The following NWD2 variants were observed in gnomAD, a reference collection of about 807,000 sequenced individuals.
NWD2 encodes NACHT and WD repeat domain-containing protein 2.
A neutral mutation model predicts 132.7 loss-of-function variants in NWD2; 37 were observed. The observed-to-expected ratio is 0.28, with a 90% CI of 0.21 to 0.37. The LOEUF (loss-of-function observed/expected upper bound fraction) is 0.37, where lower values mean the gene tolerates loss of function less well. Among genes scored for constraint, NWD2 ranks in the 10% least tolerant of loss-of-function variants. The probability of loss-of-function intolerance (pLI) is 1.00; values close to 1 mark genes in which losing one functional copy is unlikely to be tolerated. For missense variants in NWD2, 1,592 were observed against 2,122.4 expected (o/e 0.75, Z 4.91); for synonymous variants, 705 against 803.0 (o/e 0.88, Z 2.06).
At chr4:37,257,430 T>C (rs1460727726) in intron 1 of NWD2, among the ~76,000 whole-genome samples, 1 of 152,230 alleles carries the variant, frequency 6.6e-6, no homozygotes, top group African/African-American at 2.4e-5. Context: ...ATACTTAGTC[T>C]TCTTAGGCTC....
intron 1 of NWD2, among the ~76,000 whole-genome samples, chr4:37,256,224 G>A: frequency 6.6e-6 from 1 of 152,188 alleles, no homozygotes; most frequent in East Asian, 1.9e-4. Flanking sequence ...GTGGACACTT[G>A]GGGTAGAGGA....
At chr4:37,438,139 T>C (rs943773550) in intron 5 of NWD2, among the ~76,000 whole-genome samples, 3 of 151,914 alleles carry the variant, frequency 2.0e-5, no homozygotes, top group African/African-American at 7.3e-5. Flanking sequence ...CGGGTGCCTG[T>C]AGTCCCAGCT....
At chr4:37,298,962 T>G (rs1294261627) in intron 1 of NWD2, among the ~76,000 whole-genome samples, 1 of 152,172 alleles carries the variant, frequency 6.6e-6, no homozygotes, top group East Asian at 1.9e-4. Context: ...GAACTAGTCA[T>G]AGGGCATACA....
chr4:37,443,848 G>A lies in NWD2; in HGVS notation c.1860G>A (p.Val620=). ...TTGTGAACCTGACCTTCAGGGAGGTGAGGCACTGGAGATCTCACAAAGACG... is the reference window on the plus strand; with the variant it reads ...TTGTGAACCTGACCTTCAGGGAGGTAAGGCACTGGAGATCTCACAAAGACG... ...PMFVNLTFRE[V]RHWRSHKDVD... is the part of the protein sequence containing the mutation. Residue 620 remains valine, a synonymous_variant, in exon 7 of 7, where the codon GTG becomes GTA. Transcript: ENST00000309447. This position sits in a 1 kb window ranked among gnomAD's most constrained non-coding sequence, Gnocchi z 4.1. 1.9e-6 allele frequency: 3 copies of A among 1,552,254 alleles called. No individual in the cohort carries two copies. The highest frequency in any genetic ancestry group is 2.6e-6 in the Non-Finnish European group (3 of 1,147,116).
intron 3 of NWD2, among the ~76,000 whole-genome samples, chr4:37,377,185 G>A (rs929582306): frequency 2.0e-5 from 3 of 152,132 alleles, no homozygotes; most frequent in Admixed American, 2.0e-4. Flanking sequence ...TGCAAGAGTA[G>A]GGACCACTCC....
In NWD2 at chr4:37,379,200, G is replaced by T. The variant is rs116332789; in HGVS notation, c.357+22718G>T. ...AGGATAACACTTTCTGGTCTGTTTT[G>T]CAGGCTTTTCACAGGAAGAATTGTG... is the stretch of plus-strand genomic sequence containing the variant. On this transcript the variant is annotated intron_variant, in intron 3 of 6. Transcript: ENST00000309447. Among the ~76,000 whole-genome samples, 503 of 152,272 alleles carry T rather than the reference G, an allele frequency of 3.3e-3. 5 individuals carry two copies. Among genetic ancestry groups the T allele is most frequent in the African/African-American group, 0.012 (483 of 41,542 alleles).
intron 1 of NWD2, among the ~76,000 whole-genome samples, chr4:37,318,539 C>G (rs1719004373): frequency 6.6e-6 from 1 of 152,062 alleles, no homozygotes; most frequent in South Asian, 2.1e-4. Flanking sequence ...TGCCATCACC[C>G]TAGTACTGAT....
intron 1 of NWD2, among the ~76,000 whole-genome samples, chr4:37,276,397 C>T (rs985976342): frequency 5.9e-5 from 9 of 152,064 alleles, no homozygotes; most frequent in Non-Finnish European, 1.3e-4. Context: ...ATGAGATAAC[C>T]TCTCACACCA....
At chr4:37,252,768 T>C (rs1208079991) in intron 1 of NWD2, among the ~76,000 whole-genome samples, 1 of 152,178 alleles carries the variant, frequency 6.6e-6, no homozygotes, top group Non-Finnish European at 1.5e-5. Context: ...CCAAGATTCC[T>C]TATAGGGGAT....
intron 1 of NWD2, among the ~76,000 whole-genome samples, chr4:37,245,447 G>A (rs1252696769): frequency 6.6e-6 from 1 of 151,958 alleles, no homozygotes; most frequent in East Asian, 1.9e-4. Context: ...TCCACCCCGG[G>A]TTATTCCCCT....
chr4:37,337,086 A>T (rs1158110457), intron 2 of NWD2, among the ~76,000 whole-genome samples: 3 of 152,192 alleles, frequency 2.0e-5, no homozygotes, highest in Non-Finnish European at 4.4e-5. Context: ...AACTTTCAAA[A>T]CTGCTGTAGA....
intron 1 of NWD2, among the ~76,000 whole-genome samples, chr4:37,292,155 C>T (rs571244846): frequency 6.6e-6 from 1 of 152,218 alleles, no homozygotes; most frequent in East Asian, 1.9e-4. Context: ...TTAGGCGATC[C>T]GTTGTCAGGG....
chr4:37,245,014 A>G lies in NWD2; in HGVS notation c.-54A>G. 6.5e-7 allele frequency: 1 copy of G among 1,537,118 alleles called. No individual in the cohort carries two copies. The highest frequency in any genetic ancestry group is 8.7e-7 in the Non-Finnish European group (1 of 1,145,398). Reference sequence around the variant, plus strand: ...CCGTTCCGTGGAGCTGCGGGCAGGAACCCGAGGAGCAGGAGGTGGCGGCGG... The same window carrying G: ...CCGTTCCGTGGAGCTGCGGGCAGGAGCCCGAGGAGCAGGAGGTGGCGGCGG... On this transcript the variant is annotated 5_prime_UTR_variant, in exon 1 of 7. Transcript: ENST00000309447.
At chr4:37,383,675 G>A (rs536379572) in intron 3 of NWD2, among the ~76,000 whole-genome samples, 18 of 152,264 alleles carry the variant, frequency 1.2e-4, no homozygotes, top group African/African-American at 1.7e-4. Flanking sequence ...GCTGCTTTCC[G>A]CAGCCTTTTC....
chr4:37,431,752 A>C (rs1712185973), intron 4 of NWD2, among the ~76,000 whole-genome samples: 1 of 152,168 alleles, frequency 6.6e-6, no homozygotes, highest in African/African-American at 2.4e-5. Flanking sequence ...ATTTAATGAA[A>C]AAAACTAAAT....
intron 3 of NWD2, among the ~76,000 whole-genome samples, chr4:37,395,898 T>G (rs1435597843): frequency 6.6e-6 from 1 of 151,908 alleles, no homozygotes; most frequent in Non-Finnish European, 1.5e-5. Context: ...ACATTTTGAT[T>G]TGGACTGGCT....
intron 1 of NWD2, among the ~76,000 whole-genome samples, chr4:37,300,237 A>G (rs1026045027): frequency 2.6e-5 from 4 of 152,274 alleles, no homozygotes; most frequent in African/African-American, 7.2e-5. Flanking sequence ...AAATAGTGCC[A>G]TCTTGCCCGA....
rs375195828 is a variant in NWD2 at position 37,416,548 on chromosome 4, T to C, written c.358-14024T>C. 1.4e-4 allele frequency among the ~76,000 whole-genome samples: 21 copies of C among 152,178 alleles called. 4 individuals carry two copies. In the East Asian group the frequency reaches 1.9e-3, roughly 14 times the overall value. ...ACCATTATGGAAAACAGTGTGGAGA[T>C]TCCCTAAGGAACTAAAAGTAGATCC... On this transcript the variant is annotated intron_variant, in intron 3 of 6. Coordinates refer to ENST00000309447, the MANE Select transcript of NWD2 (RefSeq NM_001144990.2).
intron 2 of NWD2, among the ~76,000 whole-genome samples, chr4:37,337,140 C>T (rs559541660): frequency 7.2e-5 from 11 of 152,218 alleles, no homozygotes; most frequent in African/African-American, 2.6e-4. Flanking sequence ...CAGACTAAAA[C>T]GTATGGTCAG....
Sources: gnomAD v4.1 joint callset for allele counts (sites outside exome capture counted in the v4.1 genomes callset) on GRCh38, gnomAD v4.1.1 for gene constraint, Gnocchi (gnomAD v3.1) non-coding constraint, MANE v1.5 for transcripts, NCBI Gene and HGNC (gene_info 2026-07-23, HGNC 2026-07-21) for gene names.